LRRIQ3: variants seen among roughly 807,000 people sequenced by gnomAD.
LRRIQ3 encodes leucine rich repeats and IQ motif containing 3.
Under a neutral mutation model 59.3 loss-of-function variants are expected in LRRIQ3, and 75 were observed. That is an observed-to-expected ratio of 1.26 (90% CI 1.05 to 1.53). The LOEUF is 1.53. Among genes scored for constraint, LRRIQ3 ranks in the 40% most tolerant of loss-of-function variants. The probability of loss-of-function intolerance (pLI) is 0.00; values close to 1 mark genes in which losing one functional copy is unlikely to be tolerated. For synonymous variants in LRRIQ3, 250 were observed against 231.3 expected, an observed-to-expected ratio of 1.08 and a Z score of -0.73; for missense variants, 831 against 710.0, an observed-to-expected ratio of 1.17 and a Z score of -1.94.
intron 7 of LRRIQ3, among the ~76,000 whole-genome samples, chr1:74,029,922 C>G (rs938302252): frequency 2.0e-5 from 3 of 151,980 alleles, no homozygotes; most frequent in African/African-American, 7.2e-5. Flanking sequence ...CTAGTTTAGT[C>G]TTGGGAGGGT....
chr1:74,067,493 A>G (rs2100459916), intron 6 of LRRIQ3, among the ~76,000 whole-genome samples: 1 of 152,280 alleles, frequency 6.6e-6, no homozygotes, highest in African/African-American at 2.4e-5. Context: ...GAAGAAATCA[A>G]GTGTATATTT....
chr1:74,093,174 A>G (rs1445032454), intron 5 of LRRIQ3, among the ~76,000 whole-genome samples: 3 of 152,062 alleles, frequency 2.0e-5, no homozygotes, highest in African/African-American at 7.2e-5. Context: ...TTCAATCTCT[A>G]TAGCAACCCA....
rs896100015 is a variant in LRRIQ3, at chr1:74,026,535, A to G, written c.*278T>C. The G allele has an allele frequency of 8.3e-6, 2 of 240,094 alleles. No homozygotes were observed. Among genetic ancestry groups the G allele is most frequent in the Non-Finnish European group, 8.0e-6 (1 of 125,748 alleles). The allele number at this position is 240,094 out of a possible 1,614,324, so 14.9% of individuals were successfully genotyped here. On this transcript the variant is annotated 3_prime_UTR_variant, in exon 8 of 8. Coordinates refer to ENST00000354431, the MANE Select transcript of LRRIQ3 (RefSeq NM_001105659.2). ...AAAGAATATGAAACAGAATATCAGC[A>G]ATGTCATTGCAACATTGTCTGCAAT...
chr1:74,163,753 C>A (rs1237701107), intron 3 of LRRIQ3, among the ~76,000 whole-genome samples: 1 of 151,516 alleles, frequency 6.6e-6, no homozygotes, highest in Non-Finnish European at 1.5e-5. Flanking sequence ...CATAAGCCTT[C>A]ATTTCTCTGG....
At chr1:74,172,833 TGTAA>T (rs1368996465) in intron 3 of LRRIQ3, among the ~76,000 whole-genome samples, 3 of 152,228 alleles carry the variant, frequency 2.0e-5, no homozygotes, top group Admixed American at 6.5e-5. Flanking sequence ...CTTTGTCTTT[TGTAA>T]GTTTTTTAAT....
intron 6 of LRRIQ3, among the ~76,000 whole-genome samples, chr1:74,053,723 A>C (rs943634261): frequency 2.6e-5 from 4 of 152,120 alleles, no homozygotes; most frequent in South Asian, 4.1e-4. Context: ...CAAATGGACA[A>C]GAGACTTCCT....
chr1:74,162,781 C>T (rs1295944069), intron 3 of LRRIQ3, among the ~76,000 whole-genome samples: 1 of 151,292 alleles, frequency 6.6e-6, no homozygotes, highest in Non-Finnish European at 1.5e-5. Flanking sequence ...GAATATTTTC[C>T]ATAAGAATAT....
chr1:74,144,973 AATATT>A (rs1399279934), intron 4 of LRRIQ3, among the ~76,000 whole-genome samples: 1 of 152,022 alleles, frequency 6.6e-6, no homozygotes, highest in Non-Finnish European at 1.5e-5. Flanking sequence ...TACCTACAGA[AATATT>A]ATAGAGACCC....
chr1:74,148,556 CA>C (rs1348329717), intron 4 of LRRIQ3, among the ~76,000 whole-genome samples: 1 of 152,090 alleles, frequency 6.6e-6, no homozygotes, highest in Non-Finnish European at 1.5e-5. Flanking sequence ...ATAAAAGAAA[CA>C]GATAAAGAGA....
chr1:74,180,840 G>A (rs2100720436), intron 3 of LRRIQ3: 1 of 1,529,460 alleles, frequency 6.5e-7, no homozygotes, highest in East Asian at 2.5e-5. Flanking sequence ...CTTCAAAAAG[G>A]CCTTCCCCAT....
chr1:74,190,818 G>A (rs1361323231), intron 1 of LRRIQ3, among the ~76,000 whole-genome samples: 2 of 151,926 alleles, frequency 1.3e-5, no homozygotes, highest in African/African-American at 2.4e-5. Context: ...AGATAATAAC[G>A]ACATTTGATT....
intron 2 of LRRIQ3, 80 bp downstream of exon 2, chr1:74,183,356 C>T (rs889140177): frequency 3.3e-6 from 4 of 1,216,206 alleles, no homozygotes; most frequent in East Asian, 2.6e-5. Flanking sequence ...TGAAGAAATA[C>T]TGTGGATAGG....
In LRRIQ3 at chr1:74,041,853, T is replaced by G; in HGVS notation, c.1078A>C (p.Thr360Pro). 1 of 1,611,738 alleles carries G rather than the reference T, an allele frequency of 6.2e-7. No homozygotes were observed. The change falls in exon 7 of 8, where the codon ACT becomes CCT. Residue 360 changes from threonine to proline, a missense_variant. Physicochemically the swap from Thr to Pro is conservative, Grantham distance 38. Coordinates refer to ENST00000354431, the MANE Select transcript of LRRIQ3 (RefSeq NM_001105659.2). Reference sequence around the variant, plus strand: ...GCATTATTCTTCAATGAACCTGAAGTGTATATGGGTAGTTTGAAAACTGAT... The same window carrying G: ...GCATTATTCTTCAATGAACCTGAAGGGTATATGGGTAGTTTGAAAACTGAT... ...RISVFKLPIY[T>P]SGSLKNNAVL...
chr1:74,151,684 C>A (rs546919369), intron 4 of LRRIQ3, among the ~76,000 whole-genome samples: 2 of 152,192 alleles, frequency 1.3e-5, no homozygotes, highest in African/African-American at 4.8e-5. Flanking sequence ...GGACTCTAAA[C>A]CCCCAAAACT....
Sources: allele counts gnomAD v4.1 joint callset (sites outside exome capture counted in the v4.1 genomes callset), GRCh38; gene constraint gnomAD v4.1.1; transcripts MANE v1.5; gene names NCBI Gene and HGNC (gene_info 2026-07-23, HGNC 2026-07-21).